ADCK1: variants seen among roughly 807,000 people sequenced by gnomAD.
ADCK1 encodes the protein aarF domain-containing protein kinase 1.
In ADCK1, 41 loss-of-function variants were observed where a neutral mutation model predicts 52.3. The observed-to-expected ratio is 0.78, with a 90% CI of 0.61 to 1.02. The LOEUF (loss-of-function observed/expected upper bound fraction) is 1.02, where lower values mean the gene tolerates loss of function less well. Ranked by LOEUF, ADCK1 falls within the 50% of genes least tolerant of loss-of-function variation. The pLI is 0.00. For missense variants in ADCK1, 658 were observed against 679.5 expected, an observed-to-expected ratio of 0.97 and a Z score of 0.35; for synonymous variants, 250 against 274.6, an observed-to-expected ratio of 0.91 and a Z score of 0.89.
intron 7 of ADCK1, 49 bp downstream of exon 7, chr14:77,907,968 C>A: frequency 6.5e-7 from 1 of 1,537,640 alleles, no homozygotes; most frequent in South Asian, 1.1e-5. Context: ...TGGGCTTGGT[C>A]AAGGCTGCCC....
chr14:77,899,294 T>C (rs1392974888), intron 6 of ADCK1, 36 bp downstream of exon 6: 1 of 1,612,274 alleles, frequency 6.2e-7, no homozygotes, highest in African/African-American at 1.3e-5. Context: ...TATGGTGGTC[T>C]GGTGGAAGAG....
intron 5 of ADCK1, among the ~76,000 whole-genome samples, chr14:77,891,534 C>T (rs1255906188): frequency 6.6e-6 from 1 of 152,112 alleles, no homozygotes; most frequent in Non-Finnish European, 1.5e-5. Flanking sequence ...GCAATAATAG[C>T]AGTAATAAAG....
rs773925350 is a variant in ADCK1, at chr14:77,859,218, A to C, written c.362A>C (p.Gln121Pro). 9 of 1,614,060 alleles carry C rather than the reference A, an allele frequency of 5.6e-6. No homozygotes were observed. The South Asian group carries it at 8.8e-5, about 16-fold the overall frequency. ...YTSTLKVLHS[Q>P]APQSSMQEIR... The stretch of plus-strand genomic sequence containing the variant: ...AGCACGCTGAAGGTACTGCACAGCC[A>C]GGCTCCACAGAGCAGCATGCAAGAG... Residue 121 changes from glutamine to proline, a missense_variant, in exon 4 of 11, where the codon CAG (glutamine) becomes CCG (proline). Gln to Pro is a moderately conservative substitution (Grantham distance 76). Coordinates refer to ENST00000238561, the MANE Select transcript of ADCK1 (RefSeq NM_020421.4).
chr14:77,882,444 G>A (rs2083048346), intron 4 of ADCK1, among the ~76,000 whole-genome samples: 1 of 152,260 alleles, frequency 6.6e-6, no homozygotes, highest in African/African-American at 2.4e-5. Context: ...TTCGGTGTTT[G>A]TGAGATGCAT....
intron 7 of ADCK1, chr14:77,924,227 G>A (rs770703397): frequency 7.8e-6 from 4 of 515,448 alleles, no homozygotes; most frequent in Non-Finnish European, 1.3e-5. Context: ...AAAAAATACT[G>A]GTGCCTTGTA....
intron 3 of ADCK1, among the ~76,000 whole-genome samples, chr14:77,835,647 C>T (rs2081945359): frequency 6.6e-6 from 1 of 152,162 alleles, no homozygotes; most frequent in Admixed American, 6.6e-5. Flanking sequence ...GAGGTAAGGC[C>T]TGGAAAGCCT....
intron 9 of ADCK1, among the ~76,000 whole-genome samples, chr14:77,927,064 C>T (rs9888620): frequency 0.16 from 24,610 of 152,058 alleles, 2,198 homozygotes; most frequent in African/African-American, 0.24. Context: ...TCCAGCGCCT[C>T]GTCTTCCTTA....
chr14:77,821,384 TAGGATA>T (rs1248010364), intron 2 of ADCK1, among the ~76,000 whole-genome samples: 34 of 152,266 alleles, frequency 2.2e-4, no homozygotes, highest in African/African-American at 7.2e-4. Flanking sequence ...ATATGTCGAA[TAGGATA>T]AAGCTTTGTA....
At chr14:77,931,811 T>C in intron 10 of ADCK1, 100 bp downstream of exon 10, 1 of 1,184,554 alleles carries the variant, frequency 8.4e-7, no homozygotes, top group Non-Finnish European at 1.2e-6. Flanking sequence ...TACAGGGCCC[T>C]GCCTGAGCTT....
At chr14:77,924,633 C>G in intron 8 of ADCK1, 27 bp downstream of exon 8, 9 of 1,608,752 alleles carry the variant, frequency 5.6e-6, no homozygotes, top group Non-Finnish European at 6.8e-6. Context: ...TTACCCAGCC[C>G]TGGGGCCTCT....
intron 3 of ADCK1, among the ~76,000 whole-genome samples, chr14:77,852,907 A>ATATATATATT (rs1555351700): frequency 3.5e-5 from 1 of 28,944 alleles, no homozygotes; most frequent in African/African-American, 2.2e-4. Context: ...ATATATATAT[A>ATATATATATT]TTTTTTTTTT....
chr14:77,812,575 C>G (rs1452812809), intron 1 of ADCK1, among the ~76,000 whole-genome samples: 1 of 152,178 alleles, frequency 6.6e-6, no homozygotes, highest in Non-Finnish European at 1.5e-5. Flanking sequence ...TACATCTTGG[C>G]TATTGTGCAT....
At chr14:77,813,822 C>T (rs970637310) in intron 1 of ADCK1, among the ~76,000 whole-genome samples, 3 of 150,194 alleles carry the variant, frequency 2.0e-5, no homozygotes, top group Non-Finnish European at 3.0e-5. Context: ...CGCTGTAGTG[C>T]GCAGTGGTGC....
chr14:77,884,236 A>G (rs1255212698), intron 4 of ADCK1, among the ~76,000 whole-genome samples: 1 of 152,210 alleles, frequency 6.6e-6, no homozygotes, highest in Non-Finnish European at 1.5e-5. Flanking sequence ...AGATTGGGCC[A>G]TTTTAGCTGC....
At chr14:77,842,334 G>A (rs557725039) in intron 3 of ADCK1, among the ~76,000 whole-genome samples, 78 of 152,038 alleles carry the variant, frequency 5.1e-4, no homozygotes, top group South Asian at 4.4e-3. Flanking sequence ...TCACTTGTCC[G>A]CCAAATGTGC....
intron 6 of ADCK1, among the ~76,000 whole-genome samples, chr14:77,904,461 T>C (rs547311241): frequency 1.3e-5 from 2 of 152,362 alleles, no homozygotes; most frequent in South Asian, 4.1e-4. Flanking sequence ...CCTTCTGCTG[T>C]GCTGGACTCA....
chr14:77,912,441 TG>T (rs1325902020), intron 7 of ADCK1, among the ~76,000 whole-genome samples: 3 of 139,984 alleles, frequency 2.1e-5, no homozygotes, highest in Admixed American at 6.8e-5. Flanking sequence ...AGCGTGTGTG[TG>T]TGTGTGTGTG....
At chr14:77,871,142 ATGT>A (rs993349144) in intron 4 of ADCK1, among the ~76,000 whole-genome samples, 3 of 152,162 alleles carry the variant, frequency 2.0e-5, no homozygotes, top group Non-Finnish European at 2.9e-5. Flanking sequence ...AGTAAAAGTG[ATGT>A]TGTGGGATGC....
At chr14:77,864,020 GCTTTTGTACT>G (rs1361898835) in intron 4 of ADCK1, among the ~76,000 whole-genome samples, 2 of 152,096 alleles carry the variant, frequency 1.3e-5, no homozygotes, top group Non-Finnish European at 1.5e-5. Context: ...GTGTGGTTTG[GCTTTTGTACT>G]CTGAAATTTG....
Sources: allele counts gnomAD v4.1 joint callset (sites outside exome capture counted in the v4.1 genomes callset), GRCh38; gene constraint gnomAD v4.1.1; transcripts MANE v1.5; gene names NCBI Gene and HGNC (gene_info 2026-07-23, HGNC 2026-07-21).